The following C11orf65 variants were observed in gnomAD, a reference collection of about 807,000 sequenced individuals.
The protein encoded by C11orf65 is chromosome 11 open reading frame 65, also known as protein MFI.
A neutral mutation model predicts 35.3 loss-of-function variants in C11orf65; 38 were observed. The observed-to-expected ratio is 1.08, with a 90% CI of 0.83 to 1.41. The LOEUF (loss-of-function observed/expected upper bound fraction) is 1.41, where lower values mean the gene tolerates loss of function less well. C11orf65 is among the 40% of genes most tolerant of loss of function. C11orf65 has a pLI of 0.00. For synonymous variants in C11orf65, 105 were observed against 114.4 expected, an observed-to-expected ratio of 0.92 and a Z score of 0.53; for missense variants, 370 against 367.1, an observed-to-expected ratio of 1.01 and a Z score of -0.06.
chr11:108,465,205 A>G (rs1343072162), intron 1 of C11orf65, among the ~76,000 whole-genome samples: 2 of 152,170 alleles, frequency 1.3e-5, no homozygotes, highest in African/African-American at 4.8e-5. Context: ...ATCCTGAACC[A>G]GTTTATTGAA....
At chr11:108,439,380 G>C (rs945423445) in intron 2 of C11orf65, among the ~76,000 whole-genome samples, 14 of 152,210 alleles carry the variant, frequency 9.2e-5, no homozygotes, top group African/African-American at 3.4e-4. Context: ...TGCATTGCTG[G>C]TGGGAATGTA....
rs1385506044 is a variant in C11orf65, at chr11:108,357,706, G to A, written c.227-22414C>T. On this transcript the variant is annotated intron_variant, in intron 2 of 3. Coordinates refer to the C11orf65 transcript ENST00000524755. ...GCACACTGACACCTCACACGGCAGG[G>A]TACTCCAACAGACCTGCAGCTGAGG... Among the ~76,000 whole-genome samples, 24 of 152,154 alleles carry A rather than the reference G, an allele frequency of 1.6e-4. No individual in the cohort carries two copies. The South Asian group carries it at 4.8e-3, about 30-fold the overall frequency.
chr11:108,316,060 T>A (rs786203767), intron 6 of C11orf65: 1 of 1,614,162 alleles, frequency 6.2e-7, no homozygotes, highest in Non-Finnish European at 8.5e-7. Context: ...CCTAGTAACA[T>A]ATGACCTCGA....
chr11:108,446,812 G>A (rs2093269085), intron 2 of C11orf65, among the ~76,000 whole-genome samples: 1 of 152,118 alleles, frequency 6.6e-6, no homozygotes, highest in African/African-American at 2.4e-5. Flanking sequence ...TGGGCTAAAT[G>A]CTCCAATTAA....
chr11:108,458,250 T>C (rs531483052), intron 2 of C11orf65, among the ~76,000 whole-genome samples: 19 of 149,792 alleles, frequency 1.3e-4, no homozygotes, highest in African/African-American at 4.2e-4. Flanking sequence ...CACGTGCCGG[T>C]ATCCCACCTA....
intron 3 of C11orf65, among the ~76,000 whole-genome samples, chr11:108,417,218 G>A (rs1303187715): frequency 6.6e-6 from 1 of 152,122 alleles, no homozygotes; most frequent in East Asian, 1.9e-4. Flanking sequence ...AAGACAAAGA[G>A]TATCCTACTG....
At chr11:108,384,250 C>G (rs193241984) in intron 8 of C11orf65, among the ~76,000 whole-genome samples, 42 of 152,142 alleles carry the variant, frequency 2.8e-4, no homozygotes, top group African/African-American at 1.0e-3. Context: ...ATTGCAGAAG[C>G]CTGTAGAGGG....
chr11:108,331,166 T>A (rs1224047008), downstream of C11orf65: 3 of 1,126,850 alleles, frequency 2.7e-6, no homozygotes, highest in African/African-American at 1.6e-5. Context: ...TTTGTCTTCC[T>A]TAGATTTTTT....
At chr11:108,413,709 T>C (rs988296366) in intron 3 of C11orf65, among the ~76,000 whole-genome samples, 2 of 152,152 alleles carry the variant, frequency 1.3e-5, no homozygotes, top group South Asian at 2.1e-4. Flanking sequence ...ATAGAAATCA[T>C]ACAAAGTATA....
At chr11:108,331,170 A>AT (rs546074724), downstream of C11orf65, 33 of 1,128,532 alleles carry the variant, frequency 2.9e-5, no homozygotes, top group South Asian at 2.5e-4. Flanking sequence ...TCTTCCTTAG[A>AT]TTTTTTGGAA....
chr11:108,393,673 A>G (rs917819595), intron 6 of C11orf65, among the ~76,000 whole-genome samples: 7 of 152,194 alleles, frequency 4.6e-5, no homozygotes, highest in Non-Finnish European at 1.0e-4. Context: ...TAGAGTGGAA[A>G]GGGTCTTAGA....
chr11:108,366,713 C>G (rs1045548215), intron 2 of C11orf65: 3 of 231,078 alleles, frequency 1.3e-5, no homozygotes, highest in Admixed American at 1.1e-4. Context: ...TTTCCCAGGC[C>G]AAGGCAAACA....
intron 5 of C11orf65, among the ~76,000 whole-genome samples, chr11:108,405,913 A>G (rs1029747085): frequency 6.6e-6 from 1 of 152,198 alleles, no homozygotes; most frequent in African/African-American, 2.4e-5. Flanking sequence ...CAAGGAGTAC[A>G]GCCACCCTTC....
intron 3 of C11orf65, among the ~76,000 whole-genome samples, chr11:108,425,485 T>C (rs1169094272): frequency 6.6e-6 from 1 of 152,174 alleles, no homozygotes; most frequent in African/African-American, 2.4e-5. Context: ...TAACAAGTTC[T>C]GAAATTGAGG....
In C11orf65 at chr11:108,343,247, G is replaced by A. The variant is rs1565557835; in HGVS notation, c.227-7955C>T. On this transcript the variant is annotated intron_variant, in intron 2 of 3. Coordinates refer to the C11orf65 transcript ENST00000524755. ...GTGGTTCCCCTCTCTCAGCGAAGTG[G>A]TGTTCTTGAATGGTGCACAGGAACT... is the stretch of plus-strand genomic sequence containing the variant. The A allele has an allele frequency of 6.2e-7, 1 of 1,613,982 alleles. No homozygotes were observed. Among genetic ancestry groups the A allele is most frequent in the Non-Finnish European group, 8.5e-7 (1 of 1,179,928 alleles).
intron 2 of C11orf65, among the ~76,000 whole-genome samples, chr11:108,338,844 T>TA (rs1312236358): frequency 1.3e-4 from 20 of 152,222 alleles, no homozygotes; most frequent in Admixed American, 1.2e-3. Context: ...ATCATTATGT[T>TA]AAACTAAGTG....
chr11:108,404,115 A>G (rs993468883), intron 6 of C11orf65, among the ~76,000 whole-genome samples: 37 of 152,092 alleles, frequency 2.4e-4, no homozygotes, highest in Non-Finnish European at 4.0e-4. Flanking sequence ...CAAACCATCC[A>G]TCAATCACCA....
At chr11:108,398,695 T>C (rs2092373726) in intron 6 of C11orf65, among the ~76,000 whole-genome samples, 1 of 152,214 alleles carries the variant, frequency 6.6e-6, no homozygotes, top group Admixed American at 6.5e-5. Context: ...CAGCTGTTTC[T>C]AGGTGATGGC....
At chr11:108,365,526 A>G (rs1293027230) in intron 2 of C11orf65, 1 of 1,612,470 alleles carries the variant, frequency 6.2e-7, no homozygotes, top group South Asian at 1.1e-5. Flanking sequence ...TATATGAATT[A>G]CCCTTTCATT....
Sources: gnomAD v4.1 joint callset for allele counts (sites outside exome capture counted in the v4.1 genomes callset) on GRCh38, gnomAD v4.1.1 for gene constraint, MANE v1.5 for transcripts, NCBI Gene and HGNC (gene_info 2026-07-23, HGNC 2026-07-21) for gene names.